Variants in NMNAT2 observed in about 807,000 individuals in gnomAD.
The protein encoded by NMNAT2 is nicotinamide/nicotinic acid mononucleotide adenylyltransferase 2.
Under a neutral mutation model 41.6 loss-of-function variants are expected in NMNAT2, and 11 were observed. The ratio of observed to expected loss-of-function variants is 0.26; its 90% CI spans 0.17 to 0.44. The LOEUF (loss-of-function observed/expected upper bound fraction) is 0.44. Among genes scored for constraint, NMNAT2 ranks in the 20% least tolerant of loss-of-function variants. NMNAT2 has a pLI of 1.00. For missense variants in NMNAT2, 288 were observed against 407.7 expected (o/e 0.71, Z 2.53); for synonymous variants, 148 against 151.2 (o/e 0.98, Z 0.16).
At chr1:183,385,925 G>A (rs1648229391) in intron 1 of NMNAT2, among the ~76,000 whole-genome samples, 1 of 152,152 alleles carries the variant, frequency 6.6e-6, no homozygotes, top group Non-Finnish European at 1.5e-5. Flanking sequence ...AGACAGGCAA[G>A]TCGGTGCCTA....
At chr1:183,365,004 C>T (rs1663386811) in intron 1 of NMNAT2, among the ~76,000 whole-genome samples, 1 of 152,128 alleles carries the variant, frequency 6.6e-6, no homozygotes, top group African/African-American at 2.4e-5. Flanking sequence ...GCCCCATGAA[C>T]AGGAACCTCA....
chr1:183,360,933 A>C (rs1663294045), intron 1 of NMNAT2, among the ~76,000 whole-genome samples: 1 of 152,196 alleles, frequency 6.6e-6, no homozygotes, highest in African/African-American at 2.4e-5. Context: ...AACAGAGAAA[A>C]TATCCTTCTT....
intron 1 of NMNAT2, among the ~76,000 whole-genome samples, chr1:183,348,684 T>G (rs3924298): frequency 0.47 from 71,762 of 152,054 alleles, 19,136 homozygotes; most frequent in East Asian, 0.76. Context: ...AGGATCCCTT[T>G]GCTTTAATGA....
At chr1:183,330,795 T>C (rs1240718061) in intron 1 of NMNAT2, among the ~76,000 whole-genome samples, 1 of 152,178 alleles carries the variant, frequency 6.6e-6, no homozygotes, top group Non-Finnish European at 1.5e-5. Flanking sequence ...CGAGGTGAAT[T>C]CTATTCCAAT....
At chr1:183,342,035 T>C (rs1489633467) in intron 1 of NMNAT2, among the ~76,000 whole-genome samples, 3 of 151,586 alleles carry the variant, frequency 2.0e-5, no homozygotes, top group Non-Finnish European at 2.9e-5. Context: ...TTTTTTTTTT[T>C]TTTTTTACCA....
chr1:183,252,782 C>A (rs961100136), intron 10 of NMNAT2, 39 bp from the exon 11 acceptor site: 7 of 1,492,094 alleles, frequency 4.7e-6, no homozygotes, highest in Non-Finnish European at 5.6e-6. Flanking sequence ...GACATCCACA[C>A]CCAAAGCAAG....
chr1:183,398,331 T>C (rs937930063), intron 1 of NMNAT2, among the ~76,000 whole-genome samples: 1 of 152,098 alleles, frequency 6.6e-6, no homozygotes, highest in African/African-American at 2.4e-5. Flanking sequence ...TACATAATGG[T>C]AAAGGGATCA....
intron 1 of NMNAT2, among the ~76,000 whole-genome samples, chr1:183,379,099 A>T (rs1032987352): frequency 1.8e-5 from 2 of 113,836 alleles, no homozygotes; most frequent in African/African-American, 3.0e-5. Flanking sequence ...TATAATCTAT[A>T]ATCTATATCT....
intron 1 of NMNAT2, among the ~76,000 whole-genome samples, chr1:183,303,370 G>A (rs1176543228): frequency 6.6e-6 from 1 of 152,128 alleles, no homozygotes; most frequent in African/African-American, 2.4e-5. Context: ...AGGCACTTGG[G>A]TCTGTATTTT....
intron 1 of NMNAT2, among the ~76,000 whole-genome samples, chr1:183,386,974 A>T (rs1435633414): frequency 6.6e-6 from 1 of 152,140 alleles, no homozygotes; most frequent in African/African-American, 2.4e-5. Flanking sequence ...TGTTTTGATG[A>T]TTCAAAAATT....
intron 1 of NMNAT2, among the ~76,000 whole-genome samples, chr1:183,312,371 C>T (rs893940250): frequency 4.6e-5 from 7 of 151,162 alleles, no homozygotes; most frequent in Non-Finnish European, 7.4e-5. Context: ...GGTGGGATTA[C>T]AGTAGGCATG....
intron 1 of NMNAT2, among the ~76,000 whole-genome samples, chr1:183,347,203 C>A (rs1418840265): frequency 6.6e-6 from 1 of 152,140 alleles, no homozygotes; most frequent in African/African-American, 2.4e-5. Context: ...GCCTGTAATC[C>A]CAGCATTTTG....
chr1:183,280,534 C>T (rs1661232657), intron 7 of NMNAT2, among the ~76,000 whole-genome samples: 1 of 150,558 alleles, frequency 6.6e-6, no homozygotes, highest in African/African-American at 2.4e-5. Context: ...ATTACAGGTG[C>T]CTGCCACCAC....
At chr1:183,399,286 CT>C (rs1648743591) in intron 1 of NMNAT2, among the ~76,000 whole-genome samples, 1 of 152,176 alleles carries the variant, frequency 6.6e-6, no homozygotes, top group Non-Finnish European at 1.5e-5. Context: ...ATAAACACCT[CT>C]ACACAAATAA....
At position 183,298,560 on chromosome 1, in the gene NMNAT2, A is replaced by G. The variant is rs182049653; in HGVS notation, c.86-4767T>C. ...AAGATCTAAATAAATGTAGAGACCT[A>G]TGCATTTTAAATCTTAACTGAGAGT... On this transcript the variant is annotated intron_variant, in intron 1 of 10. Coordinates refer to ENST00000287713, the MANE Select transcript of NMNAT2 (RefSeq NM_015039.4). Among the ~76,000 whole-genome samples, 15 of 152,372 alleles carry G rather than the reference A, an allele frequency of 9.8e-5. No individual in the cohort carries two copies. In the East Asian group the frequency reaches 2.1e-3, roughly 22 times the overall value.
At chr1:183,330,221 A>T (rs930273298) in intron 1 of NMNAT2, among the ~76,000 whole-genome samples, 7 of 152,222 alleles carry the variant, frequency 4.6e-5, no homozygotes, top group Non-Finnish European at 2.9e-5. Flanking sequence ...ATTGTTATAA[A>T]CATTATTTGA....
At chr1:183,398,388 C>T (rs1648715708) in intron 1 of NMNAT2, among the ~76,000 whole-genome samples, 1 of 152,144 alleles carries the variant, frequency 6.6e-6, no homozygotes, top group South Asian at 2.1e-4. Context: ...GCACCCAATA[C>T]AGGAGCACCC....
At chr1:183,301,568 T>C (rs1490265869) in intron 1 of NMNAT2, among the ~76,000 whole-genome samples, 1 of 152,240 alleles carries the variant, frequency 6.6e-6, no homozygotes. Context: ...GTCACCATCT[T>C]TGCTCCTGTG....
chr1:183,319,672 CTCTT>C (rs1195739362), intron 1 of NMNAT2, among the ~76,000 whole-genome samples: 2 of 152,192 alleles, frequency 1.3e-5, no homozygotes, highest in African/African-American at 4.8e-5. Flanking sequence ...CTTCCCCTCT[CTCTT>C]TCTCTCTTCC....
Sources: gnomAD v4.1 joint callset for allele counts (sites outside exome capture counted in the v4.1 genomes callset) on GRCh38, gnomAD v4.1.1 for gene constraint, MANE v1.5 for transcripts, NCBI Gene and HGNC (gene_info 2026-07-23, HGNC 2026-07-21) for gene names.